The following EPHB2 variants were observed in gnomAD, a reference collection of about 807,000 sequenced individuals.
EPHB2 encodes the protein ephrin type-B receptor 2.
Under a neutral mutation model 96.4 loss-of-function variants are expected in EPHB2, and 18 were observed. The observed-to-expected ratio is 0.19, with a 90% confidence interval of 0.13 to 0.28. EPHB2 has a LOEUF of 0.28. Ranked by LOEUF, EPHB2 falls within the 10% of genes least tolerant of loss-of-function variation. The pLI is 1.00. For missense variants in EPHB2, 989 were observed against 1,355.4 expected (o/e 0.73, Z 4.25); for synonymous variants, 506 against 534.1 (o/e 0.95, Z 0.72).
chr1:22,810,412 G>A (rs1644986617), intron 3 of EPHB2, among the ~76,000 whole-genome samples: 1 of 152,148 alleles, frequency 6.6e-6, no homozygotes, highest in Non-Finnish European at 1.5e-5. Context: ...TGCCCTCCAG[G>A]AGCTTCACAT....
intron 5 of EPHB2, among the ~76,000 whole-genome samples, chr1:22,881,121 C>G (rs924513071): frequency 6.6e-6 from 1 of 152,080 alleles, no homozygotes. Context: ...AAAAATTACA[C>G]CAGGCACAGT....
At position 22,765,918 on chromosome 1, in the gene EPHB2, A is replaced by G. The variant is rs1411028928; in HGVS notation, c.62-15503A>G. ...GAGGGGACAGAAGCCAGGTACAGGA[A>G]GAGGGCCTCCTGCAGGAGCATGTGT... On this transcript the variant is annotated intron_variant, in intron 1 of 15. Coordinates refer to ENST00000374630, the MANE Select transcript of EPHB2 (RefSeq NM_017449.5). Among the ~76,000 whole-genome samples the G allele has an allele frequency of 2.6e-5, 4 of 152,138 alleles. No homozygotes were observed. The East Asian group carries it at 7.7e-4, about 29-fold the overall frequency.
intron 14 of EPHB2, among the ~76,000 whole-genome samples, chr1:22,910,953 C>T (rs1640078762): frequency 6.6e-6 from 1 of 152,096 alleles, no homozygotes; most frequent in South Asian, 2.1e-4. Context: ...GCCTGGCCAA[C>T]ATGGTGAAAC....
intron 1 of EPHB2, among the ~76,000 whole-genome samples, chr1:22,744,728 C>T (rs1447906166): frequency 3.4e-5 from 5 of 145,146 alleles, no homozygotes; most frequent in Non-Finnish European, 6.0e-5. Flanking sequence ...TGGTGGCATG[C>T]ACTTGTAGTC....
At chr1:22,766,825 C>T (rs528872288) in intron 1 of EPHB2, among the ~76,000 whole-genome samples, 3 of 152,332 alleles carry the variant, frequency 2.0e-5, no homozygotes, top group Non-Finnish European at 4.4e-5. Flanking sequence ...ACTGGGCTGC[C>T]CCAGGCTGCT....
At chr1:22,807,240 A>G (rs1644939893) in intron 3 of EPHB2, among the ~76,000 whole-genome samples, 1 of 152,144 alleles carries the variant, frequency 6.6e-6, no homozygotes, top group African/African-American at 2.4e-5. Flanking sequence ...TGTAGGGTGT[A>G]GATGCTGGCC....
chr1:22,754,831 G>A (rs1481889925), intron 1 of EPHB2, among the ~76,000 whole-genome samples: 26 of 130,880 alleles, frequency 2.0e-4, no homozygotes, highest in South Asian at 8.2e-4. Context: ...GAGGTGAGGG[G>A]CAGGGGAGGG....
intron 1 of EPHB2, among the ~76,000 whole-genome samples, chr1:22,736,457 G>C (rs1426443554): frequency 6.6e-6 from 1 of 152,164 alleles, no homozygotes; most frequent in East Asian, 1.9e-4. Flanking sequence ...TGCATGAGCC[G>C]AGGCTCTGTT....
At chr1:22,894,247 G>A (rs1010827737) in intron 7 of EPHB2, among the ~76,000 whole-genome samples, 3 of 152,154 alleles carry the variant, frequency 2.0e-5, no homozygotes, top group Non-Finnish European at 4.4e-5. Flanking sequence ...GGGCACTAAG[G>A]TCCCAGAGCG....
chr1:22,806,373 A>G (rs893968), intron 3 of EPHB2, among the ~76,000 whole-genome samples: 6,393 of 152,186 alleles, frequency 0.042, 432 homozygotes, highest in African/African-American at 0.14. Context: ...AAGTCCTTGA[A>G]CCGCAGGAAT....
intron 1 of EPHB2, among the ~76,000 whole-genome samples, chr1:22,780,341 A>G (rs1044122850): frequency 1.3e-5 from 2 of 152,284 alleles, no homozygotes; most frequent in East Asian, 3.9e-4. Flanking sequence ...AGGATGGTCC[A>G]GGTGCTGACA....
chr1:22,764,341 T>A (rs1330083817), intron 1 of EPHB2, among the ~76,000 whole-genome samples: 1 of 152,202 alleles, frequency 6.6e-6, no homozygotes, highest in Non-Finnish European at 1.5e-5. Context: ...ACATGCATGA[T>A]CTTGTCACAG....
At chr1:22,750,458 G>T (rs563357797) in intron 1 of EPHB2, among the ~76,000 whole-genome samples, 2 of 152,324 alleles carry the variant, frequency 1.3e-5, no homozygotes, top group East Asian at 3.9e-4. Flanking sequence ...GTCAGACGGA[G>T]CAGGCTCCAG....
chr1:22,801,723 C>T (rs1250069446), intron 3 of EPHB2, among the ~76,000 whole-genome samples: 1 of 152,202 alleles, frequency 6.6e-6, no homozygotes, highest in Non-Finnish European at 1.5e-5. Flanking sequence ...TTGCCTTGGG[C>T]TCTCCCATCC....
At chr1:22,900,132 A>G (rs1466048422) in intron 9 of EPHB2, among the ~76,000 whole-genome samples, 2 of 152,020 alleles carry the variant, frequency 1.3e-5, no homozygotes, top group African/African-American at 4.8e-5. Flanking sequence ...CGTCTCTACT[A>G]AAAATACAAA....
intron 3 of EPHB2, among the ~76,000 whole-genome samples, chr1:22,829,548 A>G (rs1645273398): frequency 6.6e-6 from 1 of 152,194 alleles, no homozygotes; most frequent in South Asian, 2.1e-4. Context: ...ATTGATTTTC[A>G]TCAAACACCC....
intron 1 of EPHB2, among the ~76,000 whole-genome samples, chr1:22,748,691 T>G (rs1644013905): frequency 6.6e-6 from 1 of 151,402 alleles, no homozygotes; most frequent in Non-Finnish European, 1.5e-5. Context: ...TGGGTCCTCT[T>G]TTTACAAAAA....
At chr1:22,882,310 T>G in intron 5 of EPHB2, 49 bp from the exon 6 acceptor site, 2 of 1,609,044 alleles carry the variant, frequency 1.2e-6, no homozygotes, top group Non-Finnish European at 8.5e-7. Context: ...GGCCAGAAGC[T>G]GCACCTTCTC....
chr1:22,803,066 A>G (rs554713037), intron 3 of EPHB2, among the ~76,000 whole-genome samples: 2 of 152,294 alleles, frequency 1.3e-5, no homozygotes, highest in African/African-American at 4.8e-5. Flanking sequence ...AAGGGCCACC[A>G]GCACAGAGAC....
Sources: gnomAD v4.1 joint callset for allele counts (sites outside exome capture counted in the v4.1 genomes callset) on GRCh38, gnomAD v4.1.1 for gene constraint, MANE v1.5 for transcripts, NCBI Gene and HGNC (gene_info 2026-07-23, HGNC 2026-07-21) for gene names.